TMEM74: variants seen among roughly 807,000 people sequenced by gnomAD.
TMEM74 encodes transmembrane protein 74.
In TMEM74, 13 loss-of-function variants were observed where a neutral mutation model predicts 18.1. That is an observed-to-expected ratio of 0.72 (90% CI 0.47 to 1.14). The LOEUF (loss-of-function observed/expected upper bound fraction) is 1.14. Ranked by LOEUF, TMEM74 falls within the 50% of genes most tolerant of loss-of-function variation. The probability of loss-of-function intolerance (pLI) is 0.00; values close to 1 mark genes in which losing one functional copy is unlikely to be tolerated. For missense variants in TMEM74, 372 were observed against 375.9 expected (o/e 0.99, Z 0.09); for synonymous variants, 159 against 146.6 (o/e 1.08, Z -0.61).
chr8:108,628,749 A>G (rs1230781024), intron 2 of TMEM74, among the ~76,000 whole-genome samples: 1 of 152,094 alleles, frequency 6.6e-6, no homozygotes, highest in Non-Finnish European at 1.5e-5. Context: ...ACTTCCACCA[A>G]AGGTATAAAA....
At chr8:108,698,228 A>G (rs978654135) in intron 1 of TMEM74, among the ~76,000 whole-genome samples, 4 of 152,238 alleles carry the variant, frequency 2.6e-5, no homozygotes, top group African/African-American at 9.6e-5. Flanking sequence ...CACACAATCA[A>G]GATTAAAATC....
At position 108,736,942 on chromosome 8, in the gene TMEM74, T is replaced by C. The variant is rs77079226; in HGVS notation, n.119+50534A>G. On this transcript the variant is annotated intron_variant and non_coding_transcript_variant, in intron 1 of 3. Coordinates refer to the TMEM74 transcript ENST00000518838. Reference sequence around the variant, plus strand: ...GGCCAATTTCTTTCTATAAATGTAATATTATGCTCCACTATAGATGCCTTT... The same window carrying C: ...GGCCAATTTCTTTCTATAAATGTAACATTATGCTCCACTATAGATGCCTTT... Among the ~76,000 whole-genome samples the C allele has an allele frequency of 4.5e-3, 683 of 152,262 alleles. 11 individuals are homozygous for C. Among genetic ancestry groups the C allele is most frequent in the East Asian group, 0.025 (128 of 5,188 alleles).
rs34352264 is a variant in TMEM74, at chr8:108,701,197, T to TA, written n.120-45761dup. Among the ~76,000 whole-genome samples the TA allele has an allele frequency of 6.0e-3, 810 of 135,378 alleles. 7 individuals carry two copies. Among genetic ancestry groups the TA allele is most frequent in the South Asian group, 0.039 (146 of 3,778 alleles). The allele number at this position is 135,378 out of a possible 152,430, so 88.8% of individuals were successfully genotyped here. The stretch of plus-strand genomic sequence containing the variant: ...CAAAATCCAACACCCATTCATGACT[T>TA]AAAAAAAAAAAAAAAACAACTCTCT... On this transcript the variant is annotated intron_variant and non_coding_transcript_variant, in intron 1 of 3. Transcript: ENST00000518838.
chr8:108,763,600 T>G (rs1172563100), intron 1 of TMEM74, among the ~76,000 whole-genome samples: 1 of 152,162 alleles, frequency 6.6e-6, no homozygotes, highest in East Asian at 1.9e-4. Context: ...TGGGTAAGAA[T>G]GTCTGCCCTT....
intron 1 of TMEM74, among the ~76,000 whole-genome samples, chr8:108,714,148 C>A (rs1586270698): frequency 6.6e-6 from 1 of 152,280 alleles, no homozygotes; most frequent in Middle Eastern, 3.4e-3. Context: ...CTCACAGACA[C>A]CCCAAAATAA....
chr8:108,670,975 A>G (rs1008107992), intron 1 of TMEM74, among the ~76,000 whole-genome samples: 2 of 152,190 alleles, frequency 1.3e-5, no homozygotes, highest in Non-Finnish European at 2.9e-5. Flanking sequence ...AGTTGAGAAT[A>G]TCATACCTAT....
intron 1 of TMEM74, among the ~76,000 whole-genome samples, chr8:108,658,876 G>C (rs1812872022): frequency 1.3e-5 from 2 of 152,146 alleles, no homozygotes; most frequent in Admixed American, 1.3e-4. Context: ...ATTGAATGGA[G>C]AGGAAATAAA....
intron 1 of TMEM74, among the ~76,000 whole-genome samples, chr8:108,686,494 G>T (rs111660872): frequency 6.6e-6 from 1 of 151,898 alleles, no homozygotes; most frequent in African/African-American, 2.4e-5. Context: ...GACCCACCGC[G>T]CCGGCCCTGT....
chr8:108,658,889 T>C (rs1812872458), intron 1 of TMEM74, among the ~76,000 whole-genome samples: 1 of 151,990 alleles, frequency 6.6e-6, no homozygotes, highest in Non-Finnish European at 1.5e-5. Context: ...GAAATAAAAA[T>C]AATAGAAATA....
intron 1 of TMEM74, among the ~76,000 whole-genome samples, chr8:108,675,961 TAGA>T (rs1813052547): frequency 6.6e-6 from 1 of 152,184 alleles, no homozygotes; most frequent in East Asian, 1.9e-4. Context: ...GCAAAATAAT[TAGA>T]AGAAGAAAGA....
intron 2 of TMEM74, among the ~76,000 whole-genome samples, chr8:108,614,263 C>T (rs1812362180): frequency 6.6e-6 from 1 of 151,964 alleles, no homozygotes; most frequent in African/African-American, 2.4e-5. Flanking sequence ...CTTTTTTATG[C>T]TTTAGCCCAA....
intron 2 of TMEM74, among the ~76,000 whole-genome samples, chr8:108,655,102 A>G (rs1369688697): frequency 1.3e-5 from 2 of 152,100 alleles, no homozygotes; most frequent in Non-Finnish European, 2.9e-5. Flanking sequence ...CCTTATATTC[A>G]TAAGTAAATC....
intron 1 of TMEM74, among the ~76,000 whole-genome samples, chr8:108,666,013 G>A (rs1812945654): frequency 6.6e-6 from 1 of 152,098 alleles, no homozygotes; most frequent in African/African-American, 2.4e-5. Context: ...TTAAAAGTTT[G>A]TTTTTATTGC....
At chr8:108,662,225 G>A (rs73306197) in intron 1 of TMEM74, among the ~76,000 whole-genome samples, 3,105 of 151,936 alleles carry the variant, frequency 0.02, 112 homozygotes, top group African/African-American at 0.071. Context: ...GACAAAGAGA[G>A]ATGGAAAAAC....
Position 108,784,525 on chromosome 8 carries a change from C to A in TMEM74, c.574G>T (p.Val192Leu). The change falls in exon 2 of 2, where the codon GTG (valine) becomes TTG (leucine). Residue 192 changes from valine (V) to leucine (L), a missense_variant. By Grantham distance (32) the Val-to-Leu change is conservative (BLOSUM62 1). Transcript: ENST00000297459. ...CGTGGGACGATGTAAGAGATGATCACGAGCAGGATCCCAGTGACCAAGAAC... is the reference window on the plus strand; with the variant it reads ...CGTGGGACGATGTAAGAGATGATCAAGAGCAGGATCCCAGTGACCAAGAAC... ...ILFLVTGILL[V>L]IISYIVPREV... 6.2e-7 allele frequency: 1 copy of A among 1,614,146 alleles called. No homozygotes were observed.
chr8:108,749,852 A>T (rs2130652124), intron 1 of TMEM74, among the ~76,000 whole-genome samples: 1 of 152,230 alleles, frequency 6.6e-6, no homozygotes, highest in South Asian at 2.1e-4. Context: ...ATGATGTCAG[A>T]TTAGTAACCA....
rs564625927 is a variant in TMEM74, at chr8:108,733,671, T to A, written n.119+53805A>T. 2.0e-5 allele frequency among the ~76,000 whole-genome samples: 3 copies of A among 152,322 alleles called. No individual in the cohort carries two copies. In the South Asian group the frequency reaches 6.2e-4, roughly 32 times the overall value. ...TAACATTTTGAAAATATCTTCCAGA[T>A]TTGTTTATTATCACTTATTACCTCA... On this transcript the variant is annotated intron_variant and non_coding_transcript_variant, in intron 1 of 3. Coordinates refer to the TMEM74 transcript ENST00000518838.
intron 1 of TMEM74, among the ~76,000 whole-genome samples, chr8:108,757,139 TC>T (rs1291186728): frequency 6.6e-6 from 1 of 152,108 alleles, no homozygotes; most frequent in Non-Finnish European, 1.5e-5. Context: ...TTCTTACAGT[TC>T]CTAATTTGAG....
chr8:108,786,855 G>A (rs1814391494), intron 1 of TMEM74, among the ~76,000 whole-genome samples: 1 of 152,160 alleles, frequency 6.6e-6, no homozygotes, highest in African/African-American at 2.4e-5. Flanking sequence ...AACAAAAGAA[G>A]AGAGAAATCC....
Sources: gnomAD v4.1 joint callset for allele counts (sites outside exome capture counted in the v4.1 genomes callset) on GRCh38, gnomAD v4.1.1 for gene constraint, MANE v1.5 for transcripts, NCBI Gene and HGNC (gene_info 2026-07-23, HGNC 2026-07-21) for gene names.